The following ASAP1 variants were observed in gnomAD, a reference collection of about 807,000 sequenced individuals.
ASAP1 encodes the protein ArfGAP with SH3 domain, ankyrin repeat and PH domain 1.
ASAP1 carries 43 observed loss-of-function variants against 145.2 expected under a neutral mutation model. The ratio of observed to expected loss-of-function variants is 0.30; its 90% CI spans 0.23 to 0.38. ASAP1 has a LOEUF of 0.38. Ranked by LOEUF, ASAP1 falls within the 10% of genes least tolerant of loss-of-function variation. The probability of loss-of-function intolerance (pLI) is 1.00; values close to 1 mark genes in which losing one functional copy is unlikely to be tolerated. For synonymous variants in ASAP1, 546 were observed against 515.5 expected, an observed-to-expected ratio of 1.06 and a Z score of -0.80; for missense variants, 1,018 against 1,355.3, an observed-to-expected ratio of 0.75 and a Z score of 3.91.
chr8:130,303,756 CA>C (rs1822817929), intron 3 of ASAP1, among the ~76,000 whole-genome samples: 1 of 151,894 alleles, frequency 6.6e-6, no homozygotes, highest in African/African-American at 2.4e-5. Context: ...CAGTGGTTGC[CA>C]GGGGTTTAGG....
intron 1 of ASAP1, among the ~76,000 whole-genome samples, chr8:130,414,318 C>T (rs188737423): frequency 6.6e-6 from 1 of 152,328 alleles, no homozygotes; most frequent in East Asian, 1.9e-4. Context: ...TAAGTCTGTG[C>T]TTCCATCTAA....
chr8:130,358,035 G>A lies in ASAP1; in HGVS notation c.168C>T (p.Thr56=), dbSNP rs1337901316. Residue 56 remains threonine, a synonymous_variant, in exon 3 of 30, where the codon ACC becomes ACT. Transcript: ENST00000518721. This position sits in a 1 kb window ranked among gnomAD's most constrained non-coding sequence, Gnocchi z 4.1. The part of the protein sequence containing the change: ...FTTRLHNCRN[T]VTLLEEALDQ... ...GACCTACCTCCTCCAGCAGCGTGAC[G>A]GTGTTCCTGCAGTTGTGCAGCCGCG... 39 of 1,609,244 alleles carry A rather than the reference G, an allele frequency of 2.4e-5. No homozygotes were observed. The highest frequency in any genetic ancestry group is 3.1e-5 in the Non-Finnish European group (36 of 1,178,532).
At chr8:130,235,228 A>C (rs962212399) in intron 4 of ASAP1, among the ~76,000 whole-genome samples, 1 of 152,088 alleles carries the variant, frequency 6.6e-6, no homozygotes, top group Non-Finnish European at 1.5e-5. Context: ...TATTTAATAA[A>C]TCCCTTTTAT....
intron 1 of ASAP1, among the ~76,000 whole-genome samples, chr8:130,414,586 GA>G (rs1277753190): frequency 1.3e-5 from 2 of 152,148 alleles, no homozygotes; most frequent in Non-Finnish European, 2.9e-5. Flanking sequence ...TTTCCATCCA[GA>G]AATACACACA....
At chr8:130,167,854 C>G (rs2097683114) in intron 10 of ASAP1, among the ~76,000 whole-genome samples, 1 of 152,146 alleles carries the variant, frequency 6.6e-6, no homozygotes, top group Non-Finnish European at 1.5e-5. Context: ...CCTATCTAAG[C>G]TAGATAGTTA....
At chr8:130,135,422 C>T (rs1029011393) in intron 14 of ASAP1, among the ~76,000 whole-genome samples, 13 of 152,080 alleles carry the variant, frequency 8.5e-5, no homozygotes, top group African/African-American at 3.1e-4. Flanking sequence ...GAGGTTGAGG[C>T]TGCAGTGAGC....
chr8:130,421,330 T>A (rs1436910119), intron 1 of ASAP1, among the ~76,000 whole-genome samples: 2 of 152,158 alleles, frequency 1.3e-5, no homozygotes, highest in Non-Finnish European at 2.9e-5. Flanking sequence ...ACATTCCCCA[T>A]CCCTTCAACC....
chr8:130,436,762 C>G (rs115533239), intron 1 of ASAP1, among the ~76,000 whole-genome samples: 115 of 152,278 alleles, frequency 7.6e-4, no homozygotes, highest in African/African-American at 2.6e-3. Flanking sequence ...ATTTGTGCCA[C>G]TGCACTCCAG....
At chr8:130,304,551 G>A (rs528227831) in intron 3 of ASAP1, among the ~76,000 whole-genome samples, 1 of 152,140 alleles carries the variant, frequency 6.6e-6, no homozygotes, top group Non-Finnish European at 1.5e-5. Context: ...TCCAATTTAC[G>A]TTTACACAAC....
intron 9 of ASAP1, among the ~76,000 whole-genome samples, chr8:130,175,185 T>C (rs755443476): frequency 6.6e-6 from 1 of 152,198 alleles, no homozygotes; most frequent in African/African-American, 2.4e-5. Context: ...CTAATGATGT[T>C]GAGCACCTTT....
At chr8:130,100,941 CTCTTCTAGTAGTTT>C (rs1247879776) in intron 24 of ASAP1, among the ~76,000 whole-genome samples, 2 of 152,146 alleles carry the variant, frequency 1.3e-5, no homozygotes, top group African/African-American at 2.4e-5. Context: ...CCCTTATGCT[CTCTTCTAGTAGTTT>C]TATAGTTTCG....
intron 1 of ASAP1, among the ~76,000 whole-genome samples, chr8:130,412,148 C>T (rs1297832741): frequency 6.6e-6 from 1 of 152,166 alleles, no homozygotes; most frequent in Non-Finnish European, 1.5e-5. Context: ...AACAACAGCC[C>T]TTACAGGATA....
chr8:130,281,074 G>A (rs1821215303), intron 3 of ASAP1, among the ~76,000 whole-genome samples: 1 of 152,150 alleles, frequency 6.6e-6, no homozygotes, highest in Non-Finnish European at 1.5e-5. Context: ...CTTGGTGGCT[G>A]TGTTGTGTGG....
chr8:130,065,894 T>C (rs147130410), intron 27 of ASAP1, among the ~76,000 whole-genome samples: 18 of 152,312 alleles, frequency 1.2e-4, no homozygotes, highest in African/African-American at 2.4e-4. Context: ...GATAAACTTG[T>C]GCAGAGCTGT....
At chr8:130,181,427 G>T (rs1003316548) in intron 7 of ASAP1, among the ~76,000 whole-genome samples, 12 of 152,144 alleles carry the variant, frequency 7.9e-5, no homozygotes, top group African/African-American at 2.9e-4. Context: ...GAGACATGAG[G>T]CTTTCCTTGA....
intron 24 of ASAP1, among the ~76,000 whole-genome samples, chr8:130,095,233 A>G (rs2097514755): frequency 6.6e-6 from 1 of 151,356 alleles, no homozygotes; most frequent in African/African-American, 2.4e-5. Flanking sequence ...TTTCGTGTAG[A>G]GTAAATATTT....
intron 24 of ASAP1, among the ~76,000 whole-genome samples, chr8:130,101,577 C>CT (rs952276819): frequency 1.0e-4 from 15 of 149,970 alleles, no homozygotes; most frequent in East Asian, 2.0e-4. Flanking sequence ...CTCAATTTTT[C>CT]TTTTTTTTTC....
intron 9 of ASAP1, among the ~76,000 whole-genome samples, chr8:130,169,319 GAC>G (rs778498778): frequency 5.9e-5 from 9 of 152,278 alleles, no homozygotes; most frequent in Admixed American, 5.9e-4. Flanking sequence ...ATATCACAAG[GAC>G]ACTGGAAATT....
chr8:130,282,429 C>T (rs34568641), intron 3 of ASAP1, among the ~76,000 whole-genome samples: 4,144 of 152,272 alleles, frequency 0.027, 84 homozygotes, highest in Middle Eastern at 0.071. Context: ...TTGGTAAAAA[C>T]AAATCAAAAT....
Sources: allele counts gnomAD v4.1 joint callset (sites outside exome capture counted in the v4.1 genomes callset), GRCh38; gene constraint gnomAD v4.1.1; non-coding constraint Gnocchi (gnomAD v3.1); transcripts MANE v1.5; gene names NCBI Gene and HGNC (gene_info 2026-07-23, HGNC 2026-07-21).